Variants in AGMO observed in about 807,000 individuals in gnomAD.
AGMO encodes the protein glyceryl-ether monooxygenase.
Under a neutral mutation model 60.2 loss-of-function variants are expected in AGMO, and 75 were observed. The observed-to-expected ratio is 1.25, with a 90% confidence interval of 1.03 to 1.51. The LOEUF (loss-of-function observed/expected upper bound fraction) is 1.51, where lower values mean the gene tolerates loss of function less well. Ranked by LOEUF, AGMO falls within the 40% of genes most tolerant of loss-of-function variation. The pLI, the probability that AGMO is intolerant of heterozygous loss-of-function variation, is 0.00. For synonymous variants in AGMO, 261 were observed against 177.1 expected, an observed-to-expected ratio of 1.47 and a Z score of -3.76; for missense variants, 763 against 525.5, an observed-to-expected ratio of 1.45 and a Z score of -4.42.
chr7:15,278,527 A>G (rs79460600), intron 12 of AGMO, among the ~76,000 whole-genome samples: 4,700 of 152,080 alleles, frequency 0.031, 271 homozygotes, highest in African/African-American at 0.11. Context: ...TCTAGGCCAC[A>G]AGCAGAACTC....
At chr7:15,223,905 G>C (rs1781996648) in intron 12 of AGMO, among the ~76,000 whole-genome samples, 1 of 151,998 alleles carries the variant, frequency 6.6e-6, no homozygotes, top group African/African-American at 2.4e-5. Context: ...TTCATCAACA[G>C]CTTCATTGGG....
At chr7:15,550,193 A>G (rs1373332702) in intron 2 of AGMO, among the ~76,000 whole-genome samples, 1 of 150,912 alleles carries the variant, frequency 6.6e-6, no homozygotes, top group African/African-American at 2.4e-5. Flanking sequence ...TTATAGCACT[A>G]AATGCCCACA....
intron 10 of AGMO, among the ~76,000 whole-genome samples, chr7:15,378,892 G>C (rs1220055955): frequency 1.3e-5 from 2 of 151,880 alleles, no homozygotes; most frequent in South Asian, 2.1e-4. Flanking sequence ...AAATGCAAAA[G>C]AACTGAAATC....
intron 5 of AGMO, among the ~76,000 whole-genome samples, chr7:15,415,199 C>T (rs969781352): frequency 6.6e-6 from 1 of 151,906 alleles, no homozygotes; most frequent in African/African-American, 2.4e-5. Flanking sequence ...CTGGTTCATG[C>T]CATCCTCCTG....
chr7:15,142,076 T>A, the AGMO span, among the ~76,000 whole-genome samples: 1 of 152,180 alleles, frequency 6.6e-6, no homozygotes, highest in African/African-American at 2.4e-5. Context: ...TACAGTGGGT[T>A]TCAGTATCAA....
intron 3 of AGMO, among the ~76,000 whole-genome samples, chr7:15,523,281 T>C (rs1024818012): frequency 5.9e-5 from 9 of 152,246 alleles, no homozygotes; most frequent in Admixed American, 4.6e-4. Flanking sequence ...TGGCAATTCC[T>C]CATGGATCTA....
At position 15,322,508 on chromosome 7, in the gene AGMO, A is replaced by G. The variant is rs1356093939; in HGVS notation, c.1263+43006T>C. Among the ~76,000 whole-genome samples, 53 of 80,244 alleles carry G rather than the reference A, an allele frequency of 6.6e-4. 1 individual carries two copies. The highest frequency in any genetic ancestry group is 3.4e-3 in the African/African-American group (50 of 14,500). 52.6% of individuals were successfully genotyped at this position (80,244 alleles called of 152,430 possible). On this transcript the variant is annotated intron_variant, in intron 12 of 12. Coordinates refer to ENST00000342526, the MANE Select transcript of AGMO (RefSeq NM_001004320.2). Reference sequence around the variant, plus strand: ...TATAAATATATATAAATATATAAATATATATATAAATATATATAAATATAT... The same window carrying G: ...TATAAATATATATAAATATATAAATGTATATATAAATATATATAAATATAT...
At chr7:15,148,084 A>G in the AGMO span, among the ~76,000 whole-genome samples, 4 of 152,026 alleles carry the variant, frequency 2.6e-5, no homozygotes, top group African/African-American at 9.7e-5. Flanking sequence ...TTTATTTTTA[A>G]AATACTTACT....
At chr7:15,360,633 G>A (rs1191196194) in intron 12 of AGMO, among the ~76,000 whole-genome samples, 2 of 151,982 alleles carry the variant, frequency 1.3e-5, no homozygotes, top group African/African-American at 2.4e-5. Flanking sequence ...AGTGGCAGAG[G>A]TTGGAGGAGG....
intron 3 of AGMO, among the ~76,000 whole-genome samples, chr7:15,524,809 C>T (rs549410218): frequency 5.3e-4 from 79 of 149,380 alleles, no homozygotes; most frequent in African/African-American, 1.7e-3. Context: ...TTGCAGTGAG[C>T]TGAGATCACG....
At chr7:15,148,913 A>C in the AGMO span, among the ~76,000 whole-genome samples, 1 of 152,070 alleles carries the variant, frequency 6.6e-6, no homozygotes. Context: ...CGGTGGGTAA[A>C]ATTATTAACA....
At chr7:15,371,213 A>G (rs893600673) in intron 10 of AGMO, among the ~76,000 whole-genome samples, 1 of 152,130 alleles carries the variant, frequency 6.6e-6, no homozygotes, top group Non-Finnish European at 1.5e-5. Flanking sequence ...TAAATATTTA[A>G]TAACAATGTT....
At chr7:15,330,024 G>C (rs1781453931) in intron 12 of AGMO, among the ~76,000 whole-genome samples, 1 of 151,496 alleles carries the variant, frequency 6.6e-6, no homozygotes, top group African/African-American at 2.4e-5. Flanking sequence ...TAGAAGTTTA[G>C]GGCATTGTTT....
chr7:15,350,187 T>C (rs531419813), intron 12 of AGMO, among the ~76,000 whole-genome samples: 5 of 152,160 alleles, frequency 3.3e-5, no homozygotes, highest in South Asian at 2.1e-4. Flanking sequence ...TGTTCAAGGA[T>C]AGACCAATCC....
At chr7:15,139,042 G>C in the AGMO span, among the ~76,000 whole-genome samples, 1 of 152,040 alleles carries the variant, frequency 6.6e-6, no homozygotes. Flanking sequence ...ATTTCTATCT[G>C]TGTCTTCCTA....
chr7:15,426,845 C>A (rs950791308), intron 4 of AGMO, among the ~76,000 whole-genome samples: 1 of 151,896 alleles, frequency 6.6e-6, no homozygotes, highest in African/African-American at 2.4e-5. Context: ...AATAGCAATG[C>A]ATTATGGCAT....
the AGMO span, among the ~76,000 whole-genome samples, chr7:15,172,361 A>G: frequency 1.1e-4 from 16 of 152,172 alleles, no homozygotes; most frequent in Non-Finnish European, 2.4e-4. Context: ...TTTCTTCCAG[A>G]GCCATCACTG....
At chr7:15,431,407 A>C (rs898160197) in intron 3 of AGMO, among the ~76,000 whole-genome samples, 1 of 151,888 alleles carries the variant, frequency 6.6e-6, no homozygotes, top group Admixed American at 6.6e-5. Flanking sequence ...TTGCTAACAT[A>C]TTATAATATG....
At chr7:15,210,987 T>C (rs1255310689) in intron 12 of AGMO, among the ~76,000 whole-genome samples, 1 of 151,940 alleles carries the variant, frequency 6.6e-6, no homozygotes, top group Non-Finnish European at 1.5e-5. Flanking sequence ...AATTAGTGAA[T>C]AGACTAAGAA....
Sources: gnomAD v4.1 joint callset for allele counts (sites outside exome capture counted in the v4.1 genomes callset) on GRCh38, gnomAD v4.1.1 for gene constraint, MANE v1.5 for transcripts, NCBI Gene and HGNC (gene_info 2026-07-23, HGNC 2026-07-21) for gene names.